SGCZ: variants seen among roughly 807,000 people sequenced by gnomAD.
SGCZ encodes sarcoglycan zeta, also known as zeta-sarcoglycan.
In SGCZ, 40 loss-of-function variants were observed where a neutral mutation model predicts 41.3. The ratio of observed to expected loss-of-function variants is 0.97; its 90% CI spans 0.75 to 1.26. SGCZ has a LOEUF of 1.26. Ranked by LOEUF, SGCZ falls within the 50% of genes most tolerant of loss-of-function variation. The pLI is 0.00. For synonymous variants in SGCZ, 206 were observed against 137.5 expected, an observed-to-expected ratio of 1.50 and a Z score of -3.49; for missense variants, 552 against 369.8, an observed-to-expected ratio of 1.49 and a Z score of -4.04.
chr8:14,732,172 T>C (rs1054006971), intron 1 of SGCZ, among the ~76,000 whole-genome samples: 1 of 152,166 alleles, frequency 6.6e-6, no homozygotes, highest in Non-Finnish European at 1.5e-5. Context: ...CTTCTCACTC[T>C]CTATAACTCT....
At chr8:14,981,176 C>T (rs1372660678) in intron 1 of SGCZ, among the ~76,000 whole-genome samples, 1 of 152,142 alleles carries the variant, frequency 6.6e-6, no homozygotes, top group Admixed American at 6.6e-5. Context: ...CCCTTCTATC[C>T]TTGTTTAAAT....
chr8:15,136,050 G>C (rs1022681628), intron 1 of SGCZ, among the ~76,000 whole-genome samples: 1 of 152,146 alleles, frequency 6.6e-6, no homozygotes, highest in Non-Finnish European at 1.5e-5. Context: ...TGTTGACAGG[G>C]CAATGGTAAA....
At chr8:14,985,523 T>C (rs955032194) in intron 1 of SGCZ, among the ~76,000 whole-genome samples, 3 of 152,108 alleles carry the variant, frequency 2.0e-5, no homozygotes, top group Non-Finnish European at 2.9e-5. Context: ...AGATTCAGAG[T>C]CTGACCTCAG....
intron 1 of SGCZ, among the ~76,000 whole-genome samples, chr8:14,742,875 T>C (rs1167795543): frequency 6.6e-6 from 1 of 152,086 alleles, no homozygotes; most frequent in Non-Finnish European, 1.5e-5. Context: ...ACCTGCTTAG[T>C]AATAGGAATA....
intron 7 of SGCZ, among the ~76,000 whole-genome samples, chr8:14,096,314 G>C (rs992856442): frequency 7.2e-5 from 11 of 152,118 alleles, no homozygotes; most frequent in African/African-American, 1.4e-4. Flanking sequence ...TAGCATGAAG[G>C]GGTGTTGAAT....
intron 1 of SGCZ, among the ~76,000 whole-genome samples, chr8:14,811,954 C>T (rs940000941): frequency 1.3e-5 from 2 of 151,894 alleles, no homozygotes; most frequent in African/African-American, 4.8e-5. Flanking sequence ...TTATCCTGAG[C>T]TGGAGTTCTC....
intron 2 of SGCZ, among the ~76,000 whole-genome samples, chr8:14,425,475 G>T (rs752307407): frequency 2.0e-5 from 3 of 151,936 alleles, no homozygotes; most frequent in Non-Finnish European, 4.4e-5. Flanking sequence ...ACAAAAATTA[G>T]CTGGGCTTGG....
intron 1 of SGCZ, among the ~76,000 whole-genome samples, chr8:14,626,799 A>G (rs1806474611): frequency 6.6e-6 from 1 of 152,152 alleles, no homozygotes; most frequent in South Asian, 2.1e-4. Flanking sequence ...GATATCTTGA[A>G]TTTACATTTC....
At chr8:15,221,559 A>G (rs1000327472) in intron 1 of SGCZ, among the ~76,000 whole-genome samples, 7 of 152,136 alleles carry the variant, frequency 4.6e-5, no homozygotes, top group African/African-American at 1.7e-4. Context: ...AAATTCCAGC[A>G]GGGGTGACAC....
At chr8:14,676,041 C>A (rs971928670) in intron 1 of SGCZ, among the ~76,000 whole-genome samples, 13 of 152,228 alleles carry the variant, frequency 8.5e-5, no homozygotes, top group African/African-American at 3.1e-4. Context: ...CTACTGAGAC[C>A]AGGGAAGAAA....
chr8:14,749,056 T>C (rs1002758390), intron 1 of SGCZ, among the ~76,000 whole-genome samples: 2 of 152,150 alleles, frequency 1.3e-5, no homozygotes, highest in African/African-American at 4.8e-5. Flanking sequence ...AATTTCTATC[T>C]AATGAATTCT....
intron 4 of SGCZ, among the ~76,000 whole-genome samples, chr8:14,167,597 G>GA (rs919536174): frequency 8.0e-5 from 12 of 150,246 alleles, no homozygotes; most frequent in Middle Eastern, 6.8e-3. Context: ...GAATTGGCAA[G>GA]AAAAAAAAAG....
At chr8:14,749,573 G>A (rs1006608738) in intron 1 of SGCZ, among the ~76,000 whole-genome samples, 1 of 152,050 alleles carries the variant, frequency 6.6e-6, no homozygotes, top group Non-Finnish European at 1.5e-5. Context: ...TGTTGATTTT[G>A]TTGATGATAG....
At chr8:14,212,341 T>C (rs1323579573) in intron 4 of SGCZ, among the ~76,000 whole-genome samples, 3 of 151,834 alleles carry the variant, frequency 2.0e-5, no homozygotes, top group African/African-American at 7.3e-5. Context: ...GCCTTACCCA[T>C]AGATACTGGG....
rs905579624 is a variant in SGCZ at position 14,696,894 on chromosome 8, G to C, written c.40-141968C>G. 2.6e-5 allele frequency among the ~76,000 whole-genome samples: 4 copies of C among 152,124 alleles called. No homozygotes were observed. The East Asian group carries it at 7.7e-4, about 29-fold the overall frequency. ...TATACTTTTAAAGTCCAGAAGGCAA[G>C]AAGAGGCGAAATATGTTTTCCCAAG... On this transcript the variant is annotated intron_variant, in intron 1 of 7. Transcript: ENST00000382080.
chr8:14,869,230 C>T (rs919605414), intron 1 of SGCZ, among the ~76,000 whole-genome samples: 8 of 152,104 alleles, frequency 5.3e-5, no homozygotes, highest in African/African-American at 1.9e-4. Flanking sequence ...CATCAAATAG[C>T]GTATCCACCA....
At chr8:14,549,422 A>T (rs912855834) in intron 2 of SGCZ, among the ~76,000 whole-genome samples, 3 of 152,110 alleles carry the variant, frequency 2.0e-5, no homozygotes, top group Non-Finnish European at 4.4e-5. Context: ...ATGGGAACGG[A>T]TCAGAATCTG....
intron 1 of SGCZ, among the ~76,000 whole-genome samples, chr8:15,069,882 A>AGT (rs1445008208): frequency 1.3e-5 from 2 of 152,084 alleles, no homozygotes; most frequent in African/African-American, 2.4e-5. Context: ...TTATGAGAGA[A>AGT]GTGTGTGTAT....
chr8:14,290,800 C>A (rs1027808757), intron 3 of SGCZ, among the ~76,000 whole-genome samples: 5 of 151,954 alleles, frequency 3.3e-5, no homozygotes, highest in Non-Finnish European at 5.9e-5. Flanking sequence ...CATAAGCTAC[C>A]AGTAGAACTA....
Sources: gnomAD v4.1 joint callset for allele counts (sites outside exome capture counted in the v4.1 genomes callset) on GRCh38, gnomAD v4.1.1 for gene constraint, MANE v1.5 for transcripts, NCBI Gene and HGNC (gene_info 2026-07-23, HGNC 2026-07-21) for gene names.